ACP3: variants seen among roughly 807,000 people sequenced by gnomAD.
ACP3 encodes the protein prostatic acid phosphatase.
ACP3 carries 38 observed loss-of-function variants against 45.6 expected under a neutral mutation model. The observed-to-expected ratio is 0.83, with a 90% confidence interval of 0.64 to 1.09. The LOEUF (loss-of-function observed/expected upper bound fraction) is 1.09. Ranked by LOEUF, ACP3 falls within the 50% of genes least tolerant of loss-of-function variation. The pLI is 0.00. For synonymous variants in ACP3, 162 were observed against 164.7 expected, an observed-to-expected ratio of 0.98 and a Z score of 0.13; for missense variants, 466 against 463.2, an observed-to-expected ratio of 1.01 and a Z score of -0.05.
At chr3:132,363,218 T>G (rs1271921663), downstream of ACP3, among the ~76,000 whole-genome samples, 1 of 152,238 alleles carries the variant, frequency 6.6e-6, no homozygotes, top group African/African-American at 2.4e-5. Flanking sequence ...CTCTGTCTTC[T>G]ATGTCTACAA....
At position 132,328,280 on chromosome 3, in the gene ACP3, G is replaced by T; in HGVS notation, c.134G>T (p.Gly45Val). The change falls in exon 2 of 10, where the codon GGA becomes GTA. Residue 45 changes from glycine (G) to valine (V), a missense_variant. Gly to Val is a moderately radical substitution (Grantham distance 109). Transcript: ENST00000336375. ...ATCTACTTTCAGGTGTTTCGGCATG[G>T]AGACCGAAGTCCCATTGACACCTTT... Reference protein sequence around the residue: ...LKFVTLVFRHGDRSPIDTFPT... With the variant: ...LKFVTLVFRHVDRSPIDTFPT... 1 of 1,613,736 alleles carries T rather than the reference G, an allele frequency of 6.2e-7. No individual in the cohort carries two copies. Among genetic ancestry groups the T allele is most frequent in the Non-Finnish European group, 8.5e-7 (1 of 1,179,770 alleles).
At chr3:132,334,804 T>C (rs1209615950) in intron 4 of ACP3, among the ~76,000 whole-genome samples, 1 of 152,208 alleles carries the variant, frequency 6.6e-6, no homozygotes, top group Non-Finnish European at 1.5e-5. Context: ...AAAGGCAGTG[T>C]GATGTTAGAA....
chr3:132,342,480 G>T, intron 5 of ACP3, 72 bp from the exon 6 acceptor site: 1 of 1,086,758 alleles, frequency 9.2e-7, no homozygotes. Context: ...ACAATTGTCT[G>T]GCCCAAAATA....
At chr3:132,329,069 T>C (rs1413145220) in intron 2 of ACP3, among the ~76,000 whole-genome samples, 3 of 152,172 alleles carry the variant, frequency 2.0e-5, no homozygotes, top group African/African-American at 7.2e-5. Context: ...AAGGAGAAGG[T>C]GAACTGGGGA....
chr3:132,330,846 G>T (rs1173599437), intron 2 of ACP3, among the ~76,000 whole-genome samples: 1 of 152,172 alleles, frequency 6.6e-6, no homozygotes, highest in Non-Finnish European at 1.5e-5. Context: ...TCACTTGGGA[G>T]ACTTGTTAAA....
rs745583242 is a variant in ACP3, at chr3:132,352,796, A to G, written c.941A>G (p.His314Arg). 1.9e-6 allele frequency: 3 copies of G among 1,613,076 alleles called. No homozygotes were observed. The highest frequency in any genetic ancestry group is 2.5e-6 in the Non-Finnish European group (3 of 1,179,042). The change falls in exon 9 of 10, where the codon CAC becomes CGC. Residue 314 changes from histidine (H) to arginine (R), a missense_variant. Coordinates refer to ENST00000336375, the MANE Select transcript of ACP3 (RefSeq NM_001099.5). ...CTCCTTCCTCCCTATGCTTCTTGCC[A>G]CTTGACGGAATTGTACTTTGAGAAG... ...NGLLPPYASC[H>R]LTELYFEKGE... is the part of the protein sequence containing the mutation.
intron 4 of ACP3, chr3:132,333,464 G>A (rs1937437253): frequency 6.6e-6 from 1 of 152,586 alleles, no homozygotes; most frequent in African/African-American, 2.4e-5. Context: ...CTGACTGCTG[G>A]ACCCAGACTT....
At position 132,342,588 on chromosome 3, in the gene ACP3, CATGG is replaced by C; in HGVS notation, c.593_596del (p.His198ProfsTer34). On this transcript the variant is annotated frameshift_variant, in exon 6 of 10. Transcript: ENST00000336375. LOFTEE classifies it high-confidence loss of function. ...TACCTTGGGAAAACTTTCAGGATTA[CATGG>C]CCAGGACCTTTTTGGAATTTGGAGT... 1.9e-6 allele frequency: 3 copies of C among 1,613,046 alleles called. No homozygotes were observed. Among genetic ancestry groups the C allele is most frequent in the Non-Finnish European group, 2.5e-6 (3 of 1,179,654 alleles).
chr3:132,349,458 A>T (rs1446888154), intron 7 of ACP3, among the ~76,000 whole-genome samples: 1 of 152,206 alleles, frequency 6.6e-6, no homozygotes, highest in Admixed American at 6.5e-5. Context: ...GAGTAGAAGC[A>T]AGAGGGGTGA....
chr3:132,358,012 C>G lies in ACP3; in HGVS notation c.*1134C>G, dbSNP rs1937949447. On this transcript the variant is annotated 3_prime_UTR_variant, in exon 10 of 10. Transcript: ENST00000336375. ...GTGCACTACTGTACTCCAGCCAGGG[C>G]AAGAGAGCGAGACCCTGTCTCAATA... 1 of 153,296 alleles carries G rather than the reference C, an allele frequency of 6.5e-6. No homozygotes were observed. The highest frequency in any genetic ancestry group is 2.5e-5 in the African/African-American group (1 of 40,496). 9.5% of individuals were successfully genotyped at this position (153,296 alleles called of 1,614,324 possible).
At chr3:132,367,883 A>T in exon 11 of ACP3, 1 of 1,246,844 alleles carries the variant, frequency 8.0e-7, no homozygotes, top group Non-Finnish European at 1.2e-6. Flanking sequence ...GTGGTGCCGC[A>T]TCTAAAGGAC....
intron 8 of ACP3, among the ~76,000 whole-genome samples, chr3:132,350,391 A>T (rs1428294437): frequency 6.6e-6 from 1 of 152,208 alleles, no homozygotes; most frequent in African/African-American, 2.4e-5. Flanking sequence ...GGACAAATAA[A>T]GTAAATTATT....
chr3:132,343,479 TAA>T (rs1347316872), intron 6 of ACP3, among the ~76,000 whole-genome samples: 1 of 152,210 alleles, frequency 6.6e-6, no homozygotes, highest in Non-Finnish European at 1.5e-5. Context: ...ATTAGCATTG[TAA>T]AAGACTCTTC....
At chr3:132,367,789 C>G (rs773834126) in exon 11 of ACP3, 4 of 1,613,722 alleles carry the variant, frequency 2.5e-6, no homozygotes, top group Non-Finnish European at 3.4e-6. Flanking sequence ...GCCGTGGACT[C>G]TGCTGGCAGA....
intron 7 of ACP3, among the ~76,000 whole-genome samples, chr3:132,346,322 C>A (rs989664952): frequency 1.3e-5 from 2 of 152,166 alleles, no homozygotes; most frequent in Non-Finnish European, 2.9e-5. Context: ...TGGTCAGGAG[C>A]AAATTCATGT....
In ACP3 at chr3:132,342,592, G is replaced by C. The variant is rs1439696758; in HGVS notation, c.596G>C (p.Gly199Ala). The C allele has an allele frequency of 1.9e-6, 3 of 1,612,676 alleles. No homozygotes were observed. Among genetic ancestry groups the C allele is most frequent in the Non-Finnish European group, 2.5e-6 (3 of 1,179,578 alleles). ...TTGGGAAAACTTTCAGGATTACATG[G>C]CCAGGACCTTTTTGGAATTTGGAGT... ...ATLGKLSGLH[G>A]QDLFGIWSKV... The change falls in exon 6 of 10, where the codon GGC becomes GCC. Residue 199 changes from glycine (G) to alanine (A), a missense_variant. Physicochemically the swap from Gly to Ala is moderately conservative, Grantham distance 60. Coordinates refer to ENST00000336375, the MANE Select transcript of ACP3 (RefSeq NM_001099.5).
chr3:132,323,314 C>G (rs1217020791), intron 1 of ACP3, among the ~76,000 whole-genome samples: 1 of 152,176 alleles, frequency 6.6e-6, no homozygotes, highest in African/African-American at 2.4e-5. Context: ...TTCATCAGAA[C>G]AGGCCTTTTT....
intron 2 of ACP3, among the ~76,000 whole-genome samples, chr3:132,329,666 G>C (rs773896611): frequency 1.3e-5 from 2 of 152,174 alleles, no homozygotes; most frequent in Non-Finnish European, 2.9e-5. Context: ...TGCAGGATCT[G>C]AGTTCTTCTT....
chr3:132,334,560 A>C (rs1415105521), intron 4 of ACP3, among the ~76,000 whole-genome samples: 1 of 152,228 alleles, frequency 6.6e-6, no homozygotes, highest in African/African-American at 2.4e-5. Flanking sequence ...CAGTTACCAC[A>C]GGGCCGTCGT....
Sources: gnomAD v4.1 joint callset for allele counts (sites outside exome capture counted in the v4.1 genomes callset) on GRCh38, gnomAD v4.1.1 for gene constraint, MANE v1.5 for transcripts, NCBI Gene and HGNC (gene_info 2026-07-23, HGNC 2026-07-21) for gene names.